The following TMC6 variants were observed in gnomAD, a reference collection of about 807,000 sequenced individuals.
The protein encoded by TMC6 is transmembrane channel-like protein 6.
A neutral mutation model predicts 95.4 loss-of-function variants in TMC6; 71 were observed. The ratio of observed to expected loss-of-function variants is 0.74; its 90% CI spans 0.61 to 0.91. The LOEUF (loss-of-function observed/expected upper bound fraction) is 0.91. Ranked by LOEUF, TMC6 falls within the 40% of genes least tolerant of loss-of-function variation. The pLI is 0.00. For synonymous variants in TMC6, 514 were observed against 483.1 expected, an observed-to-expected ratio of 1.06 and a Z score of -0.84; for missense variants, 1,074 against 1,079.1, an observed-to-expected ratio of 1.00 and a Z score of 0.07.
chr17:78,118,620 C>T (rs1351238570), intron 15 of TMC6, among the ~76,000 whole-genome samples: 2 of 152,208 alleles, frequency 1.3e-5, no homozygotes, highest in Non-Finnish European at 2.9e-5. Flanking sequence ...TTCTCAGCCA[C>T]TGGGCATGAC....
upstream of TMC6, chr17:78,131,507 G>A: frequency 6.6e-7 from 1 of 1,523,006 alleles, no homozygotes; most frequent in Non-Finnish European, 8.8e-7. Context: ...CCATAGCCAA[G>A]GCCTTAAGGC....
rs1030098523 is a variant in TMC6 at position 78,113,026 on chromosome 17, G to A, written c.*122C>T. 11 of 1,173,716 alleles carry A rather than the reference G, an allele frequency of 9.4e-6. No homozygotes were observed. The highest frequency in any genetic ancestry group is 6.1e-5 in the African/African-American group (4 of 65,820). 72.7% of individuals were successfully genotyped at this position (1,173,716 alleles called of 1,614,324 possible). A position where few individuals can be genotyped will look rare whatever the true frequency, so the allele number is the denominator to read the frequency against. Reference sequence around the variant, plus strand: ...CCACCCTTCCAGCTCCAGCCTAGGCGCAGCTGCGGCTTTCGAGAGGCGAAA... The same window carrying A: ...CCACCCTTCCAGCTCCAGCCTAGGCACAGCTGCGGCTTTCGAGAGGCGAAA... On this transcript the variant is annotated 3_prime_UTR_variant, in exon 20 of 20. Coordinates refer to ENST00000590602, the MANE Select transcript of TMC6 (RefSeq NM_001127198.5).
chr17:78,109,189 CTAGCAG>C lies in TMC6; in HGVS notation c.*3953_*3958del. On this transcript the variant is annotated 3_prime_UTR_variant, in exon 20 of 20. Transcript: ENST00000590602. Reference sequence around the variant, plus strand: ...AGGCAGAAAGCACAGTGCCCAGCAGCTAGCAGTGTGGCGTGCCAAGAAGGCTGTTCC... The same window carrying C: ...AGGCAGAAAGCACAGTGCCCAGCAGCTGTGGCGTGCCAAGAAGGCTGTTCC... The C allele has an allele frequency of 3.0e-6, 1 of 338,396 alleles. No individual in the cohort carries two copies. The highest frequency in any genetic ancestry group is 5.9e-6 in the Non-Finnish European group (1 of 170,170). The allele number at this position is 338,396 out of a possible 1,614,324, so 21.0% of individuals were successfully genotyped here. A position where few individuals can be genotyped will look rare whatever the true frequency, so the allele number is the denominator to read the frequency against.
At chr17:78,117,992 G>A (rs969509092) in intron 15 of TMC6, 57 bp from the exon 16 acceptor site, 115 of 1,563,268 alleles carry the variant, frequency 7.4e-5, no homozygotes, top group Non-Finnish European at 9.3e-5. Context: ...ACCCCTCCAA[G>A]CCCTGGGGGA....
Position 78,122,451 on chromosome 17 carries a change from G to A in TMC6, c.1227+154C>T. On this transcript the variant is annotated intron_variant, in intron 10 of 19. Coordinates refer to ENST00000590602, the MANE Select transcript of TMC6 (RefSeq NM_001127198.5). The surrounding 1 kb of genome is among the most constrained non-coding windows in gnomAD (Gnocchi z 4.9). ...ACTCAGGGCCTGCCCGTCACTGCAA[G>A]CAGAAGACCACGCCTGCCCAGCGCC... 7.0e-6 allele frequency: 8 copies of A among 1,143,320 alleles called. No individual in the cohort carries two copies. Among genetic ancestry groups the A allele is most frequent in the Non-Finnish European group, 9.8e-6 (8 of 820,080 alleles). 70.8% of individuals were successfully genotyped at this position (1,143,320 alleles called of 1,614,324 possible).
At position 78,126,266 on chromosome 17, in the gene TMC6, G is replaced by C; in HGVS notation, c.271+11C>G. On this transcript the variant is annotated intron_variant, in intron 4 of 19. Transcript: ENST00000590602. ...GCCGGGGCCGAGGCCGAGGCTGAGG[G>C]TCCCACTCACCAATGGTGCGGCTGG... The C allele has an allele frequency of 1.3e-6, 2 of 1,552,172 alleles. No individual in the cohort carries two copies. Among genetic ancestry groups the C allele is most frequent in the Non-Finnish European group, 1.7e-6 (2 of 1,151,092 alleles).
chr17:78,132,423 GC>G, upstream of TMC6: 2 of 1,612,664 alleles, frequency 1.2e-6, no homozygotes, highest in Non-Finnish European at 1.7e-6. Context: ...TACTCAACCT[GC>G]TGAGCCTGCT....
At chr17:78,126,486 C>A (rs2145420361) in intron 3 of TMC6, 38 bp downstream of exon 3, 2 of 1,611,848 alleles carry the variant, frequency 1.2e-6, no homozygotes, top group South Asian at 2.2e-5. Flanking sequence ...GCACCCAAGT[C>A]TTGGTCCACA....
chr17:78,127,908 T>C (rs1425689000), intron 1 of TMC6, among the ~76,000 whole-genome samples: 4 of 151,992 alleles, frequency 2.6e-5, no homozygotes, highest in African/African-American at 9.7e-5. Flanking sequence ...AGCAAAGACG[T>C]GGGAAAACCA....
rs560286936 is a variant in TMC6 at position 78,109,259 on chromosome 17, G to A, written c.*3889C>T. Reference sequence around the variant, plus strand: ...CCAGCAGACACAGAGGCATCATGGCGAGCCCCGACTGAGTGTTCAGTGAAG... The same window carrying A: ...CCAGCAGACACAGAGGCATCATGGCAAGCCCCGACTGAGTGTTCAGTGAAG... On this transcript the variant is annotated 3_prime_UTR_variant, in exon 20 of 20. Coordinates refer to ENST00000590602, the MANE Select transcript of TMC6 (RefSeq NM_001127198.5). 4.5e-5 allele frequency: 16 copies of A among 352,508 alleles called. No homozygotes were observed. The highest frequency in any genetic ancestry group is 2.5e-4 in the South Asian group (12 of 47,314). 21.8% of individuals were successfully genotyped at this position (352,508 alleles called of 1,614,324 possible).
intron 1 of TMC6, 104 bp from the exon 2 acceptor site, chr17:78,127,010 G>T: frequency 2.8e-6 from 2 of 722,276 alleles, no homozygotes; most frequent in South Asian, 3.2e-5. Flanking sequence ...TCACAGCCCA[G>T]ACAGTCCCGC....
chr17:78,130,769 G>T (rs189060456), upstream of TMC6: 2 of 152,440 alleles, frequency 1.3e-5, no homozygotes, highest in East Asian at 3.9e-4. Flanking sequence ...CCCCTCCTCT[G>T]GGCTCCCTCA....
In TMC6 at chr17:78,115,605, C is replaced by T. The variant is rs1210960503; in HGVS notation, c.2277+1664G>A. ...GTGCCCAGTGGGCAAGGAGGTCCTC[C>T]TGGGCAGAGAGGAGCGAAGGGAGTG... is the stretch of plus-strand genomic sequence containing the variant. On this transcript the variant is annotated intron_variant, in intron 18 of 19. Transcript: ENST00000590602. Among the ~76,000 whole-genome samples, 35 of 146,432 alleles carry T rather than the reference C, an allele frequency of 2.4e-4. 1 individual carries two copies. Among genetic ancestry groups the T allele is most frequent in the Non-Finnish European group, 1.1e-4 (7 of 64,868 alleles).
intron 9 of TMC6, chr17:78,123,180 T>C (rs2074499443): frequency 3.0e-6 from 1 of 333,496 alleles, no homozygotes; most frequent in South Asian, 2.4e-5. Context: ...CCTTCCCCAG[T>C]GCTCCCATAA....
At position 78,126,799 on chromosome 17, in the gene TMC6, G is replaced by C. The variant is rs1029266376; in HGVS notation, c.34C>G (p.Pro12Ala). The C allele has an allele frequency of 6.2e-7, 1 of 1,613,250 alleles. No homozygotes were observed. Residue 12 changes from proline to alanine, a missense_variant, in exon 2 of 20, where the codon CCT becomes GCT. Coordinates refer to ENST00000590602, the MANE Select transcript of TMC6 (RefSeq NM_001127198.5). ...TACCCCTGGTCCCCTGGGGTCTCAGGGACATCGAGGATGAAGGCCAGTGGC... is the reference window on the plus strand; with the variant it reads ...TACCCCTGGTCCCCTGGGGTCTCAGCGACATCGAGGATGAAGGCCAGTGGC... ...AQPLAFILDV[P>A]ETPGDQGQGP...
rs979520224 is a variant in TMC6 at position 78,122,352 on chromosome 17, C to A, written c.1227+253G>T. ...CTCAGGGCTGGCTCCCGGGTGCCCA[C>A]GGGGCCATGGCGCTACTACGCGCTA... On this transcript the variant is annotated intron_variant, in intron 10 of 19. Transcript: ENST00000590602. The surrounding 1 kb of genome is among the most constrained non-coding windows in gnomAD (Gnocchi z 4.9). Among the ~76,000 whole-genome samples, 1 of 152,034 alleles carries A rather than the reference C, an allele frequency of 6.6e-6. No individual in the cohort carries two copies. The highest frequency in any genetic ancestry group is 2.4e-5 in the African/African-American group (1 of 41,400).
chr17:78,115,612 G>GAC (rs1891687167), intron 18 of TMC6, among the ~76,000 whole-genome samples: 2 of 146,006 alleles, frequency 1.4e-5, no homozygotes, highest in African/African-American at 5.0e-5. Context: ...CTCCTGGGCA[G>GAC]AGAGGAGCGA....
At position 78,121,538 on chromosome 17, in the gene TMC6, C is replaced by G; in HGVS notation, c.1383+18G>C. ...GGACACGTTCCAAGCAAGGGCCAGG[C>G]TCCCCCCATCCCCGCACCTGGATCA... On this transcript the variant is annotated intron_variant, in intron 11 of 19. Coordinates refer to ENST00000590602, the MANE Select transcript of TMC6 (RefSeq NM_001127198.5). The surrounding 1 kb of genome is among the most constrained non-coding windows in gnomAD (Gnocchi z 5.6). The G allele has an allele frequency of 6.2e-7, 1 of 1,610,770 alleles. No individual in the cohort carries two copies. The highest frequency in any genetic ancestry group is 8.5e-7 in the Non-Finnish European group (1 of 1,179,646).
Position 78,112,764 on chromosome 17 carries a change from C to G in TMC6, c.*384G>C, listed in dbSNP as rs1228977290. On this transcript the variant is annotated 3_prime_UTR_variant, in exon 20 of 20. Coordinates refer to ENST00000590602, the MANE Select transcript of TMC6 (RefSeq NM_001127198.5). ...GCAGCAAGCGAATCAAGCCCTGGCG[C>G]GGTCCAGCCCCTGCCATCTGGGGCT... is the stretch of plus-strand genomic sequence containing the variant. 3.1e-6 allele frequency: 1 copy of G among 319,574 alleles called. No individual in the cohort carries two copies. Among genetic ancestry groups the G allele is most frequent in the Non-Finnish European group, 5.9e-6 (1 of 170,058 alleles). The allele number at this position is 319,574 out of a possible 1,614,324, so 19.8% of individuals were successfully genotyped here. A position where few individuals can be genotyped will look rare whatever the true frequency, so the allele number is the denominator to read the frequency against.
Sources: allele counts gnomAD v4.1 joint callset (sites outside exome capture counted in the v4.1 genomes callset), GRCh38; gene constraint gnomAD v4.1.1; non-coding constraint Gnocchi (gnomAD v3.1); transcripts MANE v1.5; gene names NCBI Gene and HGNC (gene_info 2026-07-23, HGNC 2026-07-21).